WAC: variants seen among roughly 807,000 people sequenced by gnomAD.
The protein encoded by WAC is WW domain containing adaptor with coiled-coil.
In WAC, 11 loss-of-function variants were observed where a neutral mutation model predicts 79.6. The ratio of observed to expected loss-of-function variants is 0.14; its 90% CI spans 0.09 to 0.23. The LOEUF (loss-of-function observed/expected upper bound fraction) is 0.23, where lower values mean the gene tolerates loss of function less well. Among genes scored for constraint, WAC ranks in the 10% least tolerant of loss-of-function variants. The probability of loss-of-function intolerance (pLI) is 1.00; values close to 1 mark genes in which losing one functional copy is unlikely to be tolerated. For synonymous variants in WAC, 304 were observed against 276.9 expected, an observed-to-expected ratio of 1.10 and a Z score of -0.97; for missense variants, 728 against 773.5, an observed-to-expected ratio of 0.94 and a Z score of 0.70.
intron 3 of WAC, among the ~76,000 whole-genome samples, chr10:28,579,022 A>G (rs1249339392): frequency 1.3e-5 from 2 of 152,156 alleles, no homozygotes. Flanking sequence ...CCCTAAACCA[A>G]GTCATTCCCA....
At chr10:28,612,067 T>A in intron 10 of WAC, 145 bp downstream of exon 10, 1 of 1,021,690 alleles carries the variant, frequency 9.8e-7, no homozygotes, top group Non-Finnish European at 1.4e-6. Context: ...AGATGCAGCC[T>A]AGAATTTCTC....
intron 3 of WAC, among the ~76,000 whole-genome samples, chr10:28,566,755 T>G (rs892673285): frequency 6.6e-6 from 1 of 152,210 alleles, no homozygotes; most frequent in Non-Finnish European, 1.5e-5. Context: ...GTAAGTGATA[T>G]GCTTCTGCTG....
At chr10:28,597,665 C>A (rs1250964982) in intron 7 of WAC, among the ~76,000 whole-genome samples, 2 of 152,174 alleles carry the variant, frequency 1.3e-5, no homozygotes, top group Non-Finnish European at 2.9e-5. Context: ...TACGTATCTA[C>A]TTACCTTCTG....
chr10:28,604,042 T>C (rs905345843), intron 7 of WAC, among the ~76,000 whole-genome samples: 2 of 146,602 alleles, frequency 1.4e-5, no homozygotes, highest in Non-Finnish European at 3.0e-5. Context: ...TTTAAGTTAT[T>C]CCAAAGTTTT....
intron 3 of WAC, among the ~76,000 whole-genome samples, chr10:28,556,492 T>C (rs923534270): frequency 2.0e-5 from 3 of 149,888 alleles, no homozygotes; most frequent in Non-Finnish European, 4.4e-5. Flanking sequence ...AAATATTTTC[T>C]ACTATTTTGT....
Position 28,542,640 on chromosome 10 carries a change from C to T in WAC, c.274+6883C>T, listed in dbSNP as rs565037881. Among the ~76,000 whole-genome samples, 56 of 152,280 alleles carry T rather than the reference C, an allele frequency of 3.7e-4. No homozygotes were observed. The East Asian group carries it at 6.7e-3, about 18-fold the overall frequency. On this transcript the variant is annotated intron_variant, in intron 3 of 13. Coordinates refer to ENST00000354911, the MANE Select transcript of WAC (RefSeq NM_016628.5). ...AGTGATGGATGGAAGATACCTGATA[C>T]GAGACAAAAACTTGTAACATCAAAT...
chr10:28,575,574 CA>C (rs1310859481), intron 3 of WAC, among the ~76,000 whole-genome samples: 1 of 152,202 alleles, frequency 6.6e-6, no homozygotes, highest in Non-Finnish European at 1.5e-5. Flanking sequence ...TGCATTTCCC[CA>C]ATGGCTAATG....
Position 28,581,813 on chromosome 10 carries a change from C to T in WAC, c.275-1586C>T, listed in dbSNP as rs117909659. Among the ~76,000 whole-genome samples, 1,231 of 152,236 alleles carry T rather than the reference C, an allele frequency of 8.1e-3. 10 individuals carry two copies. Among genetic ancestry groups the T allele is most frequent in the Non-Finnish European group, 0.013 (899 of 67,998 alleles). On this transcript the variant is annotated intron_variant, in intron 3 of 13. Coordinates refer to ENST00000354911, the MANE Select transcript of WAC (RefSeq NM_016628.5). Reference sequence around the variant, plus strand: ...TGGACCTCGGGTGATCCACCTGCCTCGGCCTCCCAAAGTGTTCAGCTTATT... The same window carrying T: ...TGGACCTCGGGTGATCCACCTGCCTTGGCCTCCCAAAGTGTTCAGCTTATT...
intron 2 of WAC, among the ~76,000 whole-genome samples, chr10:28,535,078 G>C (rs1345969373): frequency 2.0e-5 from 3 of 148,384 alleles, no homozygotes; most frequent in African/African-American, 7.4e-5. Context: ...GGTCTGAAAT[G>C]CTTTATTTGA....
At chr10:28,592,849 G>A (rs1840166466) in intron 6 of WAC, among the ~76,000 whole-genome samples, 3 of 152,030 alleles carry the variant, frequency 2.0e-5, no homozygotes, top group African/African-American at 4.8e-5. Flanking sequence ...ATTCTGTGTT[G>A]CTGTTTTTTA....
Position 28,535,737 on chromosome 10 carries a change from G to T in WAC, c.254G>T (p.Arg85Ile). Residue 85 changes from arginine to isoleucine, a missense_variant, in exon 3 of 14, where the codon AGA (arginine) becomes ATA (isoleucine). By Grantham distance (97) the Arg-to-Ile change is moderately conservative. This residue lies in a region of WAC where 648 missense variants were observed against 661.5 expected (regional missense o/e 0.98). Transcript: ENST00000354911. ...HSKAKNVHTH[R>I]VRERDGGTSY... ...AAGGCCAAAAATGTGCATACTCACA[G>T]AGTTAGAGAGAGGGATGGTGGTGAG... The T allele has an allele frequency of 6.2e-7, 1 of 1,611,588 alleles. No individual in the cohort carries two copies. The highest frequency in any genetic ancestry group is 1.1e-5 in the South Asian group (1 of 90,816).
At chr10:28,578,950 C>T (rs1163487605) in intron 3 of WAC, among the ~76,000 whole-genome samples, 2 of 152,078 alleles carry the variant, frequency 1.3e-5, no homozygotes, top group African/African-American at 4.8e-5. Context: ...ATTTTGCTCA[C>T]CATTTAAGTT....
At chr10:28,561,244 A>T (rs1277012812) in intron 3 of WAC, among the ~76,000 whole-genome samples, 1 of 152,222 alleles carries the variant, frequency 6.6e-6, no homozygotes, top group Non-Finnish European at 1.5e-5. Flanking sequence ...CACAAACAGT[A>T]ATACAAGGTG....
chr10:28,615,694 T>G (rs1000814282), intron 11 of WAC: 1 of 152,440 alleles, frequency 6.6e-6, no homozygotes, highest in South Asian at 2.1e-4. Flanking sequence ...TTTTTGGTTT[T>G]GTTTTGCCAC....
At chr10:28,604,080 TTA>T (rs1840805014) in intron 7 of WAC, among the ~76,000 whole-genome samples, 1 of 149,574 alleles carries the variant, frequency 6.7e-6, no homozygotes, top group Non-Finnish European at 1.5e-5. Context: ...AAAAGGTGGT[TTA>T]TTTTTATAAG....
chr10:28,595,609 A>G, intron 6 of WAC, 124 bp from the exon 7 acceptor site: 1 of 968,690 alleles, frequency 1.0e-6, no homozygotes, highest in Non-Finnish European at 1.5e-6. Flanking sequence ...CAGTTTTATA[A>G]AAGAATATGT....
At position 28,622,838 on chromosome 10, in the gene WAC, A is replaced by G. The variant is rs371600930; in HGVS notation, c.*3232A>G. The G allele has an allele frequency of 2.2e-4, 33 of 152,294 alleles. No homozygotes were observed. The highest frequency in any genetic ancestry group is 7.2e-4 in the African/African-American group (30 of 41,576). 9.4% of individuals were successfully genotyped at this position (152,294 alleles called of 1,614,324 possible). ...GAAAGGGGAGAGGGCAACGCGGGAA[A>G]TAATTCACTCTGCGCACCGGAACTA... On this transcript the variant is annotated 3_prime_UTR_variant, in exon 14 of 14. Transcript: ENST00000354911.
chr10:28,581,185 G>T (rs1277623896), intron 3 of WAC, among the ~76,000 whole-genome samples: 1 of 143,742 alleles, frequency 7.0e-6, no homozygotes, highest in Non-Finnish European at 1.5e-5. Context: ...GAAAGCAGGT[G>T]TTCAGTACAA....
chr10:28,593,539 G>T (rs184269695), intron 6 of WAC, among the ~76,000 whole-genome samples: 1 of 151,886 alleles, frequency 6.6e-6, no homozygotes, highest in African/African-American at 2.4e-5. Context: ...AGGCCGAGAC[G>T]GGTGGATCAT....
Sources: gnomAD v4.1 joint callset for allele counts (sites outside exome capture counted in the v4.1 genomes callset) on GRCh38, gnomAD v4.1.1 for gene constraint, gnomAD v4.1.1 regional missense constraint, MANE v1.5 for transcripts, NCBI Gene and HGNC (gene_info 2026-07-23, HGNC 2026-07-21) for gene names.